Variants in HHIPL1 observed in about 807,000 individuals in gnomAD.
HHIPL1 encodes the protein HHIP like 1.
HHIPL1 carries 43 observed loss-of-function variants against 61.8 expected under a neutral mutation model. The ratio of observed to expected loss-of-function variants is 0.70; its 90% CI spans 0.55 to 0.90. HHIPL1 has a LOEUF of 0.90. Among genes scored for constraint, HHIPL1 ranks in the 40% least tolerant of loss-of-function variants. The probability of loss-of-function intolerance (pLI) is 0.00; values close to 1 mark genes in which losing one functional copy is unlikely to be tolerated. For missense variants in HHIPL1, 1,056 were observed against 1,157.7 expected, an observed-to-expected ratio of 0.91 and a Z score of 1.28; for synonymous variants, 482 against 515.8, an observed-to-expected ratio of 0.93 and a Z score of 0.89.
intron 8 of HHIPL1, among the ~76,000 whole-genome samples, chr14:99,673,365 G>A (rs552685330): frequency 9.9e-5 from 15 of 151,394 alleles, no homozygotes; most frequent in Admixed American, 9.8e-4. Context: ...GGATGCCAGA[G>A]CCACAGTGAG....
upstream of HHIPL1, among the ~76,000 whole-genome samples, chr14:99,641,602 G>A (rs74619306): frequency 0.016 from 2,416 of 150,640 alleles, 72 homozygotes; most frequent in East Asian, 0.11. Context: ...TTTGTAGAGC[G>A]GGGGTTTCAC....
chr14:99,616,485 C>G, the HHIPL1 span, among the ~76,000 whole-genome samples: 2 of 152,220 alleles, frequency 1.3e-5, no homozygotes, highest in East Asian at 3.9e-4. Context: ...TGGCCCGAAG[C>G]CTCCTCATCC....
intron 6 of HHIPL1, among the ~76,000 whole-genome samples, chr14:99,665,850 C>G (rs146276523): frequency 6.6e-6 from 1 of 151,502 alleles, no homozygotes; most frequent in Admixed American, 6.6e-5. Flanking sequence ...GGTGTGATCT[C>G]GGCTCACTGC....
At chr14:99,629,656 C>A in the HHIPL1 span, among the ~76,000 whole-genome samples, 4 of 59,344 alleles carry the variant, frequency 6.7e-5, no homozygotes, top group Non-Finnish European at 1.4e-4. Flanking sequence ...TGCCACCACG[C>A]CCGGCTAATT....
In HHIPL1 at chr14:99,659,708, G is replaced by A. The variant is rs760476795; in HGVS notation, c.1327G>A (p.Glu443Lys). ...CGGCAACTATGGCTGGCGCGCGCGC[G>A]AAGGGTTCGAGTGCTACGACCGCAG... The part of the protein sequence containing the change: ...RGGNYGWRAR[E>K]GFECYDRSLC... The change falls in exon 4 of 9, where the codon GAA becomes AAA. Residue 443 changes from glutamate (E) to lysine (K), a missense_variant. Coordinates refer to ENST00000330710, the MANE Select transcript of HHIPL1 (RefSeq NM_001127258.3). The A allele has an allele frequency of 4.7e-6, 7 of 1,489,254 alleles. No individual in the cohort carries two copies. In the African/African-American group the frequency reaches 5.8e-5, roughly 12 times the overall value. The allele number at this position is 1,489,254 out of a possible 1,614,324, so 92.3% of individuals were successfully genotyped here.
chr14:99,633,663 CT>C, the HHIPL1 span, among the ~76,000 whole-genome samples: 1 of 152,206 alleles, frequency 6.6e-6, no homozygotes, highest in Non-Finnish European at 1.5e-5. Flanking sequence ...ATCCCGCTTA[CT>C]AAATCTGGGG....
chr14:99,612,643 T>G, the HHIPL1 span, among the ~76,000 whole-genome samples: 1 of 152,204 alleles, frequency 6.6e-6, no homozygotes, highest in African/African-American at 2.4e-5. Flanking sequence ...CTGTAACTGT[T>G]GCACCACTGT....
the HHIPL1 span, among the ~76,000 whole-genome samples, chr14:99,638,947 A>C: frequency 6.6e-6 from 1 of 152,272 alleles, no homozygotes; most frequent in Non-Finnish European, 1.5e-5. Flanking sequence ...AGCTCAGGCC[A>C]TAGAAATAGC....
chr14:99,621,901 G>C, the HHIPL1 span, among the ~76,000 whole-genome samples: 7 of 151,776 alleles, frequency 4.6e-5, no homozygotes, highest in Admixed American at 3.3e-4. Context: ...ATTTTTAGCA[G>C]AGACTGGGTT....
chr14:99,673,704 G>T (rs1484789965), intron 8 of HHIPL1, among the ~76,000 whole-genome samples: 1 of 6,776 alleles, frequency 1.5e-4, no homozygotes, highest in African/African-American at 6.1e-4. Context: ...ACTGAGGGGG[G>T]TGCACCTGGA....
chr14:99,614,366 A>C, the HHIPL1 span, among the ~76,000 whole-genome samples: 1 of 152,096 alleles, frequency 6.6e-6, no homozygotes, highest in Non-Finnish European at 1.5e-5. Flanking sequence ...AGAACTCTGC[A>C]ATGAGGAAGC....
In HHIPL1 at chr14:99,675,018, C is replaced by A; in HGVS notation, c.1814-73C>A. On this transcript the variant is annotated intron_variant, in intron 8 of 8. Coordinates refer to ENST00000330710, the MANE Select transcript of HHIPL1 (RefSeq NM_001127258.3). This position sits in a 1 kb window ranked among gnomAD's most constrained non-coding sequence, Gnocchi z 5.4. Reference sequence around the variant, plus strand: ...TGCGCTCTCCGCACAGGTTGCAGGGCAGCACAGGGTGGGCAGCAGGGCTGG... The same window carrying A: ...TGCGCTCTCCGCACAGGTTGCAGGGAAGCACAGGGTGGGCAGCAGGGCTGG... 1.2e-6 allele frequency: 1 copy of A among 823,106 alleles called. No individual in the cohort carries two copies. Among genetic ancestry groups the A allele is most frequent in the South Asian group, 5.0e-5 (1 of 19,908 alleles). The allele number at this position is 823,106 out of a possible 1,614,324, so 51.0% of individuals were successfully genotyped here. A position where few individuals can be genotyped will look rare whatever the true frequency, so the allele number is the denominator to read the frequency against.
At chr14:99,637,573 A>C in the HHIPL1 span, among the ~76,000 whole-genome samples, 1 of 149,272 alleles carries the variant, frequency 6.7e-6, no homozygotes, top group Non-Finnish European at 1.5e-5. Flanking sequence ...CTCCGTCTCA[A>C]AAAAAAAAAA....
chr14:99,678,565 A>G lies in HHIPL1; in HGVS notation c.*2939A>G, dbSNP rs961509092. Reference sequence around the variant, plus strand: ...GCCAGACCGCACAATCTAAACTAAAACCCGATTGGCTGTTTAAAATTTTTC... The same window carrying G: ...GCCAGACCGCACAATCTAAACTAAAGCCCGATTGGCTGTTTAAAATTTTTC... On this transcript the variant is annotated 3_prime_UTR_variant, in exon 9 of 9. Coordinates refer to ENST00000330710, the MANE Select transcript of HHIPL1 (RefSeq NM_001127258.3). 3.3e-5 allele frequency: 5 copies of G among 152,206 alleles called. No homozygotes were observed. Among genetic ancestry groups the G allele is most frequent in the Non-Finnish European group, 7.3e-5 (5 of 68,032 alleles). The allele number at this position is 152,206 out of a possible 1,614,324, so 9.4% of individuals were successfully genotyped here.
Position 99,660,334 on chromosome 14 carries a change from G to T in HHIPL1, c.1430G>T (p.Gly477Val). 3.7e-6 allele frequency: 6 copies of T among 1,614,088 alleles called. No homozygotes were observed. The highest frequency in any genetic ancestry group is 5.1e-6 in the Non-Finnish European group (6 of 1,179,998). The change falls in exon 5 of 9, where the codon GGG (glycine) becomes GTG (valine). Residue 477 changes from glycine (G) to valine (V), a missense_variant. Gly to Val is a moderately radical substitution (Grantham distance 109). Coordinates refer to ENST00000330710, the MANE Select transcript of HHIPL1 (RefSeq NM_001127258.3). This position sits in a 1 kb window ranked among gnomAD's most constrained non-coding sequence, Gnocchi z 4.9. ...CACACGGTTGGCAAGTCGGTCACAG[G>T]GGGCTACGTGTACCGGGGCTGCGAG... ...YPHTVGKSVT[G>V]GYVYRGCEYP...
At chr14:99,634,390 C>T in the HHIPL1 span, among the ~76,000 whole-genome samples, 2 of 152,182 alleles carry the variant, frequency 1.3e-5, no homozygotes, top group Non-Finnish European at 2.9e-5. Flanking sequence ...GAAGTGTTCA[C>T]AGGTGTGCTG....
the HHIPL1 span, among the ~76,000 whole-genome samples, chr14:99,624,366 C>T: frequency 1.3e-5 from 2 of 152,168 alleles, no homozygotes; most frequent in African/African-American, 4.8e-5. Context: ...GGGTCAGCAG[C>T]AGCACTGACC....
rs2056406520 is a variant in HHIPL1, at chr14:99,677,889, C to A, written c.*2263C>A. 1 of 152,310 alleles carries A rather than the reference C, an allele frequency of 6.6e-6. No individual in the cohort carries two copies. Among genetic ancestry groups the A allele is most frequent in the South Asian group, 2.1e-4 (1 of 4,834 alleles). 9.4% of individuals were successfully genotyped at this position (152,310 alleles called of 1,614,324 possible). ...AACTCATCACCTCTCAGGCCCCAAACCAGGCCTGGGCTAGGCTGCAGCCTG... is the reference window on the plus strand; with the variant it reads ...AACTCATCACCTCTCAGGCCCCAAAACAGGCCTGGGCTAGGCTGCAGCCTG... On this transcript the variant is annotated 3_prime_UTR_variant, in exon 9 of 9. Coordinates refer to ENST00000330710, the MANE Select transcript of HHIPL1 (RefSeq NM_001127258.3). The surrounding 1 kb of genome is among the most constrained non-coding windows in gnomAD (Gnocchi z 4.3).
rs2056379759 is a variant in HHIPL1, at chr14:99,675,485, G to T, written c.2208G>T (p.Leu736=). ...KRAEFGQGGS[L]PILLDDVRCA... ...CCGAGTTCGGCCAGGGCGGCTCGCT[G>T]CCCATTCTGCTGGACGATGTGCGCT... The change falls in exon 9 of 9, where the codon CTG becomes CTT. Residue 736 remains leucine (L), a synonymous_variant. Coordinates refer to ENST00000330710, the MANE Select transcript of HHIPL1 (RefSeq NM_001127258.3). This position sits in a 1 kb window ranked among gnomAD's most constrained non-coding sequence, Gnocchi z 5.4. 24 of 1,542,410 alleles carry T rather than the reference G, an allele frequency of 1.6e-5. No homozygotes were observed. Among genetic ancestry groups the T allele is most frequent in the Non-Finnish European group, 2.1e-5 (24 of 1,146,402 alleles).
Sources: gnomAD v4.1 joint callset for allele counts (sites outside exome capture counted in the v4.1 genomes callset) on GRCh38, gnomAD v4.1.1 for gene constraint, Gnocchi (gnomAD v3.1) non-coding constraint, MANE v1.5 for transcripts, NCBI Gene and HGNC (gene_info 2026-07-23, HGNC 2026-07-21) for gene names.